Variants in PNP observed in about 807,000 individuals in gnomAD.
The protein encoded by PNP is HEL-S-156an.
Under a neutral mutation model 26.8 loss-of-function variants are expected in PNP, and 18 were observed. The observed-to-expected ratio is 0.67, with a 90% CI of 0.46 to 1.00. The LOEUF (loss-of-function observed/expected upper bound fraction) is 1.00, where lower values mean the gene tolerates loss of function less well. Among genes scored for constraint, PNP ranks in the 50% least tolerant of loss-of-function variants. The pLI is 0.00. For synonymous variants in PNP, 116 were observed against 124.8 expected, an observed-to-expected ratio of 0.93 and a Z score of 0.47; for missense variants, 320 against 362.9, an observed-to-expected ratio of 0.88 and a Z score of 0.96.
At position 20,469,436 on chromosome 14, in the gene PNP, T is replaced by G. The variant is rs1881935085; in HGVS notation, c.-89T>G. 4 of 1,519,604 alleles carry G rather than the reference T, an allele frequency of 2.6e-6. No homozygotes were observed. Among genetic ancestry groups the G allele is most frequent in the Non-Finnish European group, 1.8e-6 (2 of 1,119,628 alleles). 94.1% of individuals were successfully genotyped at this position (1,519,604 alleles called of 1,614,324 possible). On this transcript the variant is annotated 5_prime_UTR_variant, in exon 1 of 6. Coordinates refer to ENST00000361505, the MANE Select transcript of PNP (RefSeq NM_000270.4). ...TGCGAACCAGACCCGGCAGCCTTGC[T>G]CAGTTCAGCATAGCGGAGCGGATCC...
chr14:20,471,197 A>ATTTTTTTTTTTTT (rs397960222), intron 1 of PNP, among the ~76,000 whole-genome samples: 189 of 90,622 alleles, frequency 2.1e-3, no homozygotes, highest in African/African-American at 2.4e-3. Context: ...CGCCCGGCTA[A>ATTTTTTTTTTTTT]TTTTTTTTTT....
chr14:20,474,787 G>A lies in PNP; in HGVS notation c.300G>A (p.Val100=). ...GYPLWKVTFP[V]RVFHLLGVDT... ...TTGCTTCGAAGGTGACATTCCCAGTGAGGGTTTTCCACCTTCTGGGTGTGG... is the reference window on the plus strand; with the variant it reads ...TTGCTTCGAAGGTGACATTCCCAGTAAGGGTTTTCCACCTTCTGGGTGTGG... The change falls in exon 4 of 6, where the codon GTG becomes GTA. Residue 100 remains valine, a synonymous_variant. Transcript: ENST00000361505. The A allele has an allele frequency of 6.2e-7, 1 of 1,614,106 alleles. No individual in the cohort carries two copies. Among genetic ancestry groups the A allele is most frequent in the East Asian group, 2.2e-5 (1 of 44,888 alleles).
chr14:20,474,596 C>A, intron 3 of PNP, 21 bp downstream of exon 3: 1 of 1,599,000 alleles, frequency 6.3e-7, no homozygotes, highest in Non-Finnish European at 8.6e-7. Flanking sequence ...GGGATAGGTC[C>A]GGTTGGATCT....
chr14:20,476,267 C>T (rs562064981), intron 5 of PNP, 117 bp from the exon 6 acceptor site: 8 of 872,414 alleles, frequency 9.2e-6, no homozygotes, highest in South Asian at 6.8e-5. Context: ...CCACTGCACC[C>T]GGCCATCTTT....
Position 20,476,606 on chromosome 14 carries a change from C to A in PNP, c.*5C>A, listed in dbSNP as rs1201647522. The stretch of plus-strand genomic sequence containing the variant: ...CTCCCTGACAAAGCCAGTTGACCTG[C>A]CTTGGAGTCGTCTGGCATCTCCCAC... On this transcript the variant is annotated 3_prime_UTR_variant, in exon 6 of 6. Transcript: ENST00000361505. 1 of 1,612,926 alleles carries A rather than the reference C, an allele frequency of 6.2e-7. No homozygotes were observed. The highest frequency in any genetic ancestry group is 1.3e-5 in the African/African-American group (1 of 74,920).
intron 3 of PNP, 27 bp downstream of exon 3, chr14:20,474,602 G>A (rs1882057328): frequency 2.1e-5 from 33 of 1,598,260 alleles, no homozygotes; most frequent in Non-Finnish European, 2.7e-5. Flanking sequence ...GGTCCGGTTG[G>A]ATCTGGAAGA....
In PNP at chr14:20,475,194, C is replaced by T. The variant is rs764574203; in HGVS notation, c.594C>T (p.Pro198=). ...GCACCTATGTGATGGTGGCAGGCCC[C>T]AGCTTTGAGACTGTGGCAGAATGTC... ...QEGTYVMVAG[P]SFETVAECRV... The change falls in exon 5 of 6, where the codon CCC becomes CCT. Residue 198 remains proline, a synonymous_variant. Coordinates refer to ENST00000361505, the MANE Select transcript of PNP (RefSeq NM_000270.4). The T allele has an allele frequency of 1.9e-6, 3 of 1,614,102 alleles. No homozygotes were observed. In the South Asian group the frequency reaches 3.3e-5, roughly 18 times the overall value.
chr14:20,470,992 A>G (rs931536337), intron 1 of PNP, among the ~76,000 whole-genome samples: 1 of 152,072 alleles, frequency 6.6e-6, no homozygotes, highest in Non-Finnish European at 1.5e-5. Flanking sequence ...GCTTCCCTCC[A>G]GACCAGCAAT....
At chr14:20,471,029 A>AT (rs1881974340) in intron 1 of PNP, among the ~76,000 whole-genome samples, 1 of 151,344 alleles carries the variant, frequency 6.6e-6, no homozygotes, top group Non-Finnish European at 1.5e-5. Context: ...ATTTTATTTT[A>AT]TTTTTATTTA....
intron 1 of PNP, chr14:20,469,747 GT>G: frequency 1.5e-6 from 1 of 670,594 alleles, no homozygotes; most frequent in Non-Finnish European, 2.6e-6. Flanking sequence ...TCGAGCTGGG[GT>G]GGCGCCACCG....
At chr14:20,474,707 C>A in intron 3 of PNP, 66 bp from the exon 4 acceptor site, 1 of 1,575,716 alleles carries the variant, frequency 6.3e-7, no homozygotes, top group Non-Finnish European at 8.7e-7. Context: ...CGATGTATGT[C>A]ATGCATTTCA....
At chr14:20,471,413 T>C (rs1881985635) in intron 1 of PNP, among the ~76,000 whole-genome samples, 1 of 149,668 alleles carries the variant, frequency 6.7e-6, no homozygotes, top group Non-Finnish European at 1.5e-5. Flanking sequence ...GGGGGTTTTG[T>C]GTGTGTGTGT....
chr14:20,469,795 C>T (rs1881948319), intron 1 of PNP: 2 of 608,004 alleles, frequency 3.3e-6, no homozygotes, highest in African/African-American at 3.7e-5. Flanking sequence ...GTCTAAGCTA[C>T]TCCGTAAAAG....
intron 2 of PNP, 182 bp from the exon 3 acceptor site, chr14:20,474,290 A>G (rs1431834736): frequency 1.0e-5 from 6 of 601,126 alleles, no homozygotes; most frequent in African/African-American, 7.4e-5. Flanking sequence ...TTGTATAATT[A>G]TTAGTAATGC....
At chr14:20,474,213 C>G (rs535154228) in intron 2 of PNP, 2 of 429,930 alleles carry the variant, frequency 4.7e-6, no homozygotes. Flanking sequence ...TTAAAAAGCC[C>G]TTCCTTCTTT....
At position 20,474,490 on chromosome 14, in the gene PNP, G is replaced by A. The variant is rs372793308; in HGVS notation, c.200G>A (p.Arg67Gln). 34 of 1,613,928 alleles carry A rather than the reference G, an allele frequency of 2.1e-5. No homozygotes were observed. Among genetic ancestry groups the A allele is most frequent in the Non-Finnish European group, 2.5e-5 (30 of 1,179,968 alleles). ...TATACAGTGCCAGGTCATGCTGGCC[G>A]ACTGGTGTTTGGGTTCCTGAATGGC... The part of the protein sequence containing the change: ...PRSTVPGHAG[R>Q]LVFGFLNGRA... The change falls in exon 3 of 6, where the codon CGA becomes CAA. Residue 67 changes from arginine (R) to glutamine (Q), a missense_variant. Coordinates refer to ENST00000361505, the MANE Select transcript of PNP (RefSeq NM_000270.4).
intron 2 of PNP, 104 bp downstream of exon 2, chr14:20,472,581 A>G: frequency 9.2e-7 from 1 of 1,088,650 alleles, no homozygotes; most frequent in Non-Finnish European, 1.4e-6. Context: ...CTAGCATTTC[A>G]CTGAAGACAA....
chr14:20,473,765 C>T lies in PNP; in HGVS notation c.182-707C>T, dbSNP rs184881360. 499 of 152,304 alleles carry T rather than the reference C, an allele frequency of 3.3e-3. 2 individuals are homozygous for T. The highest frequency in any genetic ancestry group is 3.8e-3 in the Non-Finnish European group (257 of 68,054). 9.4% of individuals were successfully genotyped at this position (152,304 alleles called of 1,614,324 possible). On this transcript the variant is annotated intron_variant, in intron 2 of 5. Coordinates refer to ENST00000361505, the MANE Select transcript of PNP (RefSeq NM_000270.4). ...ATTTTTAGTAGAGATGAGGTTTCAC[C>T]ATGTTGGCCAGGGTGGTCTTGAACT...
chr14:20,469,613 A>G (rs1338705122), intron 1 of PNP, 78 bp downstream of exon 1: 15 of 1,536,214 alleles, frequency 9.8e-6, no homozygotes, highest in Non-Finnish European at 1.8e-6. Flanking sequence ...CACTGGGCCC[A>G]GAGGGAGCTG....
Sources: allele counts gnomAD v4.1 joint callset (sites outside exome capture counted in the v4.1 genomes callset), GRCh38; gene constraint gnomAD v4.1.1; transcripts MANE v1.5; gene names NCBI Gene and HGNC (gene_info 2026-07-23, HGNC 2026-07-21).